Variants in NAIF1 observed in about 807,000 individuals in gnomAD.
The protein encoded by NAIF1 is nuclear apoptosis-inducing factor 1.
In NAIF1, 14 loss-of-function variants were observed where a neutral mutation model predicts 20.7. That is an observed-to-expected ratio of 0.67 (90% CI 0.45 to 1.05). The LOEUF is 1.05. Ranked by LOEUF, NAIF1 falls within the 50% of genes least tolerant of loss-of-function variation. The probability of loss-of-function intolerance (pLI) is 0.00; values close to 1 mark genes in which losing one functional copy is unlikely to be tolerated. For synonymous variants in NAIF1, 191 were observed against 191.4 expected (o/e 1.00, Z 0.02); for missense variants, 362 against 448.8 (o/e 0.81, Z 1.75).
chr9:128,066,122 G>A (rs1832774222), intron 1 of NAIF1: 1 of 158,558 alleles, frequency 6.3e-6, no homozygotes, highest in African/African-American at 2.4e-5. Context: ...TTAACACCAG[G>A]AACCATGAGG....
rs1216735575 is a variant in NAIF1, at chr9:128,062,648, T to G, written c.*780A>C. 1.3e-5 allele frequency: 2 copies of G among 152,148 alleles called. No individual in the cohort carries two copies. The highest frequency in any genetic ancestry group is 2.9e-5 in the Non-Finnish European group (2 of 68,054). The allele number at this position is 152,148 out of a possible 1,614,324, so 9.4% of individuals were successfully genotyped here. On this transcript the variant is annotated 3_prime_UTR_variant, in exon 2 of 2. Coordinates refer to ENST00000373078, the MANE Select transcript of NAIF1 (RefSeq NM_197956.4). Reference sequence around the variant, plus strand: ...GCAGTGGGGCAGCAAGCTTCCACACTAGTTGGCTTTCTCAAAAATTTACAG... The same window carrying G: ...GCAGTGGGGCAGCAAGCTTCCACACGAGTTGGCTTTCTCAAAAATTTACAG...
At position 128,067,156 on chromosome 9, in the gene NAIF1, T is replaced by G; in HGVS notation, c.-55A>C. On this transcript the variant is annotated 5_prime_UTR_variant, in exon 1 of 2. Coordinates refer to ENST00000373078, the MANE Select transcript of NAIF1 (RefSeq NM_197956.4). Reference sequence around the variant, plus strand: ...ATTATAATCCCCTCAAGCGCCCCAATTCCCCTTCTCTTCTTCCTCAGCCTC... The same window carrying G: ...ATTATAATCCCCTCAAGCGCCCCAAGTCCCCTTCTCTTCTTCCTCAGCCTC... 5.9e-5 allele frequency: 87 copies of G among 1,485,062 alleles called. No homozygotes were observed. Among genetic ancestry groups the G allele is most frequent in the East Asian group, 9.4e-5 (4 of 42,764 alleles). 92.0% of individuals were successfully genotyped at this position (1,485,062 alleles called of 1,614,324 possible). A position where few individuals can be genotyped will look rare whatever the true frequency, so the allele number is the denominator to read the frequency against.
At chr9:128,064,724 C>T (rs1452640909) in intron 1 of NAIF1, among the ~76,000 whole-genome samples, 8 of 151,810 alleles carry the variant, frequency 5.3e-5, no homozygotes, top group Non-Finnish European at 8.8e-5. Flanking sequence ...CACCCCCGGC[C>T]GGGCGCGGTG....
intron 1 of NAIF1, chr9:128,066,260 G>A (rs1271879818): frequency 3.3e-6 from 1 of 303,574 alleles, no homozygotes; most frequent in Admixed American, 5.1e-5. Context: ...ACTACAAGCC[G>A]GGCCCTGTGA....
In NAIF1 at chr9:128,066,922, G is replaced by A. The variant is rs759424454; in HGVS notation, c.180C>T (p.Thr60=). The change falls in exon 1 of 2, where the codon ACC becomes ACT. Residue 60 remains threonine, a synonymous_variant. Transcript: ENST00000373078. ...TGACCTCAGGCAGCTCTCTGCGGCA[G>A]GTGGCCACGGCGTTGACCCTTCTCA... ...GILRRVNAVA[T]CRRELPEVKK... 8.1e-6 allele frequency: 13 copies of A among 1,612,908 alleles called. No homozygotes were observed. The highest frequency in any genetic ancestry group is 1.1e-5 in the Non-Finnish European group (13 of 1,180,010).
At position 128,063,114 on chromosome 9, in the gene NAIF1, G is replaced by T; in HGVS notation, c.*314C>A. ...ACAGCCCGTTGTGTTGTTCCTTACAGTTGTCCAAGACCAAGGCTGGGTCAT... is the reference window on the plus strand; with the variant it reads ...ACAGCCCGTTGTGTTGTTCCTTACATTTGTCCAAGACCAAGGCTGGGTCAT... On this transcript the variant is annotated 3_prime_UTR_variant, in exon 2 of 2. Coordinates refer to ENST00000373078, the MANE Select transcript of NAIF1 (RefSeq NM_197956.4). The surrounding 1 kb of genome is among the most constrained non-coding windows in gnomAD (Gnocchi z 4.3). 1 of 379,602 alleles carries T rather than the reference G, an allele frequency of 2.6e-6. No individual in the cohort carries two copies. Among genetic ancestry groups the T allele is most frequent in the Non-Finnish European group, 4.9e-6 (1 of 203,862 alleles). 23.5% of individuals were successfully genotyped at this position (379,602 alleles called of 1,614,324 possible).
chr9:128,066,594 G>C lies in NAIF1; in HGVS notation c.508C>G (p.Gln170Glu), dbSNP rs748398438. The C allele has an allele frequency of 1.3e-6, 2 of 1,519,530 alleles. No individual in the cohort carries two copies. The highest frequency in any genetic ancestry group is 2.6e-5 in the South Asian group (2 of 76,374). The allele number at this position is 1,519,530 out of a possible 1,614,324, so 94.1% of individuals were successfully genotyped here. A position where few individuals can be genotyped will look rare whatever the true frequency, so the allele number is the denominator to read the frequency against. Residue 170 changes from glutamine (Q) to glutamate (E), a missense_variant, in exon 1 of 2, where the codon CAG (glutamine) becomes GAG (glutamate). Gln to Glu is a conservative substitution (Grantham distance 29). Transcript: ENST00000373078. ...TAAAATVTLT[Q>E]IPTETTYHTL... ...CTGGGCAGGAGAGGTCACTCACTCTGTGTCAGGGTGACCGTGGCTGCGGCT... is the reference window on the plus strand; with the variant it reads ...CTGGGCAGGAGAGGTCACTCACTCTCTGTCAGGGTGACCGTGGCTGCGGCT...
Position 128,064,239 on chromosome 9 carries a change from C to T in NAIF1, c.512-339G>A, listed in dbSNP as rs976244422. Reference sequence around the variant, plus strand: ...GAGTAGCTGGGACTACAGGCGCCCGCCACTGCGCCCGGCTAATTTTTTGTA... The same window carrying T: ...GAGTAGCTGGGACTACAGGCGCCCGTCACTGCGCCCGGCTAATTTTTTGTA... On this transcript the variant is annotated intron_variant, in intron 1 of 1. Transcript: ENST00000373078. 2.0e-5 allele frequency among the ~76,000 whole-genome samples: 3 copies of T among 151,708 alleles called. No individual in the cohort carries two copies. The South Asian group carries it at 6.2e-4, about 32-fold the overall frequency.
rs780575261 is a variant in NAIF1 at position 128,066,841 on chromosome 9, C to A, written c.261G>T (p.Arg87=). The A allele has an allele frequency of 6.2e-7, 1 of 1,612,366 alleles. No individual in the cohort carries two copies. The highest frequency in any genetic ancestry group is 8.5e-7 in the Non-Finnish European group (1 of 1,179,738). ...GCGCCTCACCACCCTCCACGGCGGC[C>A]CGGACCTGGGCAACCTTGCGACGGA... is the stretch of plus-strand genomic sequence containing the variant. ...TEVRRKVAQV[R]AAVEGGEAPG... Residue 87 remains arginine, a synonymous_variant, in exon 1 of 2, where the codon CGG becomes CGT. Coordinates refer to ENST00000373078, the MANE Select transcript of NAIF1 (RefSeq NM_197956.4).
In NAIF1 at chr9:128,063,609, T is replaced by C. The variant is rs765405331; in HGVS notation, c.803A>G (p.Gln268Arg). Residue 268 changes from glutamine to arginine, a missense_variant, in exon 2 of 2, where the codon CAG becomes CGG. Gln to Arg is a conservative substitution (Grantham distance 43). Coordinates refer to ENST00000373078, the MANE Select transcript of NAIF1 (RefSeq NM_197956.4). This position sits in a 1 kb window ranked among gnomAD's most constrained non-coding sequence, Gnocchi z 4.3. ...CTCCATGGCCTGGGCCTGGCGCTCC[T>C]GGGCACAGGCCTGCACTTCCTGGGA... Reference protein sequence around the residue: ...RRSQEVQACAQERQAQAMEGT... With the variant: ...RRSQEVQACARERQAQAMEGT... 9 of 1,613,584 alleles carry C rather than the reference T, an allele frequency of 5.6e-6. No homozygotes were observed. The highest frequency in any genetic ancestry group is 6.8e-6 in the Non-Finnish European group (8 of 1,180,040).
Position 128,063,365 on chromosome 9 carries a change from C to T in NAIF1, c.*63G>A, listed in dbSNP as rs1376430155. The T allele has an allele frequency of 2.0e-6, 3 of 1,470,100 alleles. No individual in the cohort carries two copies. Among genetic ancestry groups the T allele is most frequent in the African/African-American group, 2.8e-5 (2 of 72,218 alleles). The allele number at this position is 1,470,100 out of a possible 1,614,324, so 91.1% of individuals were successfully genotyped here. A position where few individuals can be genotyped will look rare whatever the true frequency, so the allele number is the denominator to read the frequency against. ...TCTAAGGCCAAGGCCAATCACAGGA[C>T]CCACTTACAAGTCCATGGAGTTTTC... is the stretch of plus-strand genomic sequence containing the variant. On this transcript the variant is annotated 3_prime_UTR_variant, in exon 2 of 2. Coordinates refer to ENST00000373078, the MANE Select transcript of NAIF1 (RefSeq NM_197956.4). The surrounding 1 kb of genome is among the most constrained non-coding windows in gnomAD (Gnocchi z 4.3).
chr9:128,066,870 C>T lies in NAIF1; in HGVS notation c.232G>A (p.Glu78Lys). The change falls in exon 1 of 2, where the codon GAG becomes AAG. Residue 78 changes from glutamate (E) to lysine (K), a missense_variant. By Grantham distance (56) the Glu-to-Lys change is moderately conservative (BLOSUM62 1). Transcript: ENST00000373078. ...ACCTGGGCAACCTTGCGACGGACCT[C>T]GGTCTTGAGGTCAGACCACTTCTTC... Reference protein sequence around the residue: ...VKKKWSDLKTEVRRKVAQVRA... With the variant: ...VKKKWSDLKTKVRRKVAQVRA... 6.2e-7 allele frequency: 1 copy of T among 1,612,934 alleles called. No individual in the cohort carries two copies. Among genetic ancestry groups the T allele is most frequent in the East Asian group, 2.2e-5 (1 of 44,876 alleles).
rs185667566 is a variant in NAIF1, at chr9:128,064,798, T to A, written c.512-898A>T. Among the ~76,000 whole-genome samples the A allele has an allele frequency of 6.9e-3, 1,045 of 151,766 alleles. 4 individuals carry two copies. The highest frequency in any genetic ancestry group is 0.011 in the Non-Finnish European group (733 of 67,902). The stretch of plus-strand genomic sequence containing the variant: ...TGGGTGGATTACCTGAGGTCAGGAG[T>A]TCGAGACCAGCCTGACCAACATGGA... On this transcript the variant is annotated intron_variant, in intron 1 of 1. Transcript: ENST00000373078.
Position 128,066,581 on chromosome 9 carries a change from G to T in NAIF1, c.511+10C>A. ...TTATGCACGCCGCCTGGGCAGGAGA[G>T]GTCACTCACTCTGTGTCAGGGTGAC... On this transcript the variant is annotated intron_variant, in intron 1 of 1. Transcript: ENST00000373078. 6.7e-7 allele frequency: 1 copy of T among 1,500,320 alleles called. No individual in the cohort carries two copies. Among genetic ancestry groups the T allele is most frequent in the Non-Finnish European group, 8.9e-7 (1 of 1,125,674 alleles). The allele number at this position is 1,500,320 out of a possible 1,614,324, so 92.9% of individuals were successfully genotyped here. A position where few individuals can be genotyped will look rare whatever the true frequency, so the allele number is the denominator to read the frequency against.
intron 1 of NAIF1, 177 bp downstream of exon 1, chr9:128,066,414 G>A (rs1832779079): frequency 1.8e-6 from 1 of 567,558 alleles, no homozygotes; most frequent in South Asian, 4.9e-5. Flanking sequence ...ACGTGCTGAG[G>A]AAGTCCCAAA....
chr9:128,063,414 C>A lies in NAIF1; in HGVS notation c.*14G>T. On this transcript the variant is annotated 3_prime_UTR_variant, in exon 2 of 2. Transcript: ENST00000373078. The surrounding 1 kb of genome is among the most constrained non-coding windows in gnomAD (Gnocchi z 4.3). Reference sequence around the variant, plus strand: ...TCATCCCATCATGGCAGAAGGCTGGCCTGACCCCTGCCCTCACTGGATGAT... The same window carrying A: ...TCATCCCATCATGGCAGAAGGCTGGACTGACCCCTGCCCTCACTGGATGAT... 1 of 1,597,618 alleles carries A rather than the reference C, an allele frequency of 6.3e-7. No individual in the cohort carries two copies.
At position 128,061,646 on chromosome 9, in the gene NAIF1, A is replaced by G. The variant is rs367916504; in HGVS notation, c.*1782T>C. Reference sequence around the variant, plus strand: ...TCAGGGCCACCTTCCTGTGGTCACAATAGAGGAGTTGAGCATTCTAAACGT... The same window carrying G: ...TCAGGGCCACCTTCCTGTGGTCACAGTAGAGGAGTTGAGCATTCTAAACGT... On this transcript the variant is annotated 3_prime_UTR_variant, in exon 2 of 2. Coordinates refer to ENST00000373078, the MANE Select transcript of NAIF1 (RefSeq NM_197956.4). The G allele has an allele frequency of 4.6e-5, 7 of 152,334 alleles. No individual in the cohort carries two copies. The highest frequency in any genetic ancestry group is 2.0e-4 in the Admixed American group (3 of 15,286). The allele number at this position is 152,334 out of a possible 1,614,324, so 9.4% of individuals were successfully genotyped here. A position where few individuals can be genotyped will look rare whatever the true frequency, so the allele number is the denominator to read the frequency against.
rs1832790766 is a variant in NAIF1 at position 128,066,948 on chromosome 9, G to T, written c.154C>A (p.Leu52Met). ...GTGGCCACGGCGTTGACCCTTCTCA[G>T]GATGCCGTGCCAGGCCGCACTCTTG... is the stretch of plus-strand genomic sequence containing the variant. ...AAKSAAWHGI[L>M]RRVNAVATCR... The change falls in exon 1 of 2, where the codon CTG (leucine) becomes ATG (methionine). Residue 52 changes from leucine to methionine, a missense_variant. Transcript: ENST00000373078. The T allele has an allele frequency of 6.2e-7, 1 of 1,612,994 alleles. No homozygotes were observed.
chr9:128,064,831 C>T (rs1484025269), intron 1 of NAIF1, among the ~76,000 whole-genome samples: 2 of 152,166 alleles, frequency 1.3e-5, no homozygotes, highest in Admixed American at 6.5e-5. Context: ...GGAGAAACCT[C>T]GTCTCTATTA....
Sources: gnomAD v4.1 joint callset for allele counts (sites outside exome capture counted in the v4.1 genomes callset) on GRCh38, gnomAD v4.1.1 for gene constraint, Gnocchi (gnomAD v3.1) non-coding constraint, MANE v1.5 for transcripts, NCBI Gene and HGNC (gene_info 2026-07-23, HGNC 2026-07-21) for gene names.